WLS: variants seen among roughly 807,000 people sequenced by gnomAD.
WLS encodes protein wntless homolog.
Under a neutral mutation model 62.8 loss-of-function variants are expected in WLS, and 23 were observed. That is an observed-to-expected ratio of 0.37 (90% CI 0.26 to 0.52). The LOEUF (loss-of-function observed/expected upper bound fraction) is 0.52. Ranked by LOEUF, WLS falls within the 20% of genes least tolerant of loss-of-function variation. The pLI, the probability that WLS is intolerant of heterozygous loss-of-function variation, is 0.92. For synonymous variants in WLS, 246 were observed against 244.1 expected, an observed-to-expected ratio of 1.01 and a Z score of -0.07; for missense variants, 615 against 697.3, an observed-to-expected ratio of 0.88 and a Z score of 1.33.
intron 6 of WLS, 40 bp from the exon 7 acceptor site, chr1:68,148,700 G>A: frequency 6.3e-7 from 1 of 1,592,562 alleles, no homozygotes. Context: ...AGAGGGGAGA[G>A]GAAGACCAAG....
At chr1:68,098,699 A>C in exon 12 of WLS, 1 of 1,614,040 alleles carries the variant, frequency 6.2e-7, no homozygotes, top group South Asian at 1.1e-5. Flanking sequence ...TTCTTGATAA[A>C]GTTCCGAAAC....
chr1:68,203,295 T>C (rs1649125042), intron 1 of WLS, among the ~76,000 whole-genome samples: 1 of 152,234 alleles, frequency 6.6e-6, no homozygotes, highest in South Asian at 2.1e-4. Context: ...TCATATCTAA[T>C]GCTCCTTTCC....
At chr1:68,200,179 T>C (rs1454534838) in intron 1 of WLS, among the ~76,000 whole-genome samples, 2 of 152,092 alleles carry the variant, frequency 1.3e-5, no homozygotes, top group Non-Finnish European at 2.9e-5. Context: ...ACAATAGAAT[T>C]TATCTAACAA....
chr1:68,126,828 G>C (rs1049938964), intron 11 of WLS, among the ~76,000 whole-genome samples: 2 of 152,068 alleles, frequency 1.3e-5, no homozygotes, highest in Non-Finnish European at 2.9e-5. Context: ...AATGTGATGG[G>C]CTAAACCAGC....
At chr1:68,121,471 C>T (rs1360602793), downstream of WLS, among the ~76,000 whole-genome samples, 1 of 152,154 alleles carries the variant, frequency 6.6e-6, no homozygotes, top group Non-Finnish European at 1.5e-5. Context: ...GCTCTGAACA[C>T]TTCAAGACAT....
chr1:68,228,060 T>C (rs560461312), intron 1 of WLS, among the ~76,000 whole-genome samples: 3 of 152,248 alleles, frequency 2.0e-5, no homozygotes, highest in African/African-American at 7.2e-5. Context: ...CATGCACAAT[T>C]TGAGAAAATT....
At chr1:68,208,215 A>G (rs1279352248) in intron 1 of WLS, among the ~76,000 whole-genome samples, 1 of 152,220 alleles carries the variant, frequency 6.6e-6, no homozygotes, top group Admixed American at 6.5e-5. Flanking sequence ...ATCTTTTTTC[A>G]CAATTATCTT....
At chr1:68,106,793 A>G (rs1430408951) in intron 11 of WLS, among the ~76,000 whole-genome samples, 2 of 151,854 alleles carry the variant, frequency 1.3e-5, no homozygotes, top group Non-Finnish European at 2.9e-5. Context: ...GGCTACTGGT[A>G]TGCAGTGTCC....
chr1:68,193,921 G>A (rs1413235948), intron 2 of WLS, 34 bp downstream of exon 2: 2 of 1,593,756 alleles, frequency 1.3e-6, no homozygotes, highest in Non-Finnish European at 1.7e-6. Context: ...AATGCTCAAA[G>A]GGAAGAAAGG....
At chr1:68,111,628 A>G (rs879761194) in intron 11 of WLS, among the ~76,000 whole-genome samples, 2 of 152,218 alleles carry the variant, frequency 1.3e-5, no homozygotes, top group Admixed American at 1.3e-4. Flanking sequence ...CATCCTCTCT[A>G]TAACAGTCCT....
chr1:68,219,469 G>A (rs1226303553), intron 1 of WLS, among the ~76,000 whole-genome samples: 2 of 152,092 alleles, frequency 1.3e-5, no homozygotes, highest in African/African-American at 2.4e-5. Context: ...TTATGTTCAA[G>A]TGAATAATAA....
chr1:68,206,864 TA>T (rs1210813926), intron 1 of WLS, among the ~76,000 whole-genome samples: 11 of 152,202 alleles, frequency 7.2e-5, no homozygotes, highest in Admixed American at 2.0e-4. Flanking sequence ...CTTTTAAGTT[TA>T]AAGAAAAAGT....
intron 1 of WLS, among the ~76,000 whole-genome samples, chr1:68,203,961 T>C (rs1469538185): frequency 1.3e-5 from 2 of 152,220 alleles, no homozygotes; most frequent in Non-Finnish European, 2.9e-5. Flanking sequence ...ATGCATATGG[T>C]ATGTCAGGGA....
At chr1:68,142,213 C>A (rs1448626565) in intron 10 of WLS, among the ~76,000 whole-genome samples, 1 of 152,308 alleles carries the variant, frequency 6.6e-6, no homozygotes, top group Non-Finnish European at 1.5e-5. Flanking sequence ...CCCGCAGAGG[C>A]AAGATATACA....
At chr1:68,110,006 G>GAAAAAAAAAAAAAAAAAA (rs1557445730) in intron 11 of WLS, among the ~76,000 whole-genome samples, 1 of 3,406 alleles carries the variant, frequency 2.9e-4, no homozygotes, top group Non-Finnish European at 5.9e-4. Flanking sequence ...AACACAAAAA[G>GAAAAAAAAAAAAAAAAAA]TAAAAAAAAA....
chr1:68,195,882 T>C (rs1210924750), intron 1 of WLS, among the ~76,000 whole-genome samples: 2 of 152,050 alleles, frequency 1.3e-5, no homozygotes, highest in Non-Finnish European at 2.9e-5. Flanking sequence ...GTTCTAGTTT[T>C]ATTTCTTAAA....
chr1:68,183,489 C>G (rs1466273488), intron 2 of WLS: 2 of 528,470 alleles, frequency 3.8e-6, no homozygotes, highest in Non-Finnish European at 7.8e-6. Context: ...TGGAGCTTTC[C>G]TCAGAAGCAT....
At chr1:68,229,868 T>C (rs1197250233) in intron 1 of WLS, among the ~76,000 whole-genome samples, 2 of 152,144 alleles carry the variant, frequency 1.3e-5, no homozygotes, top group Admixed American at 6.5e-5. Context: ...GTGTTATACA[T>C]AGATATTTTT....
chr1:68,201,723 A>G (rs1002642162), intron 1 of WLS, among the ~76,000 whole-genome samples: 2 of 152,220 alleles, frequency 1.3e-5, no homozygotes, highest in African/African-American at 4.8e-5. Context: ...TTAATACAGC[A>G]GAACATTCCT....
Sources: allele counts gnomAD v4.1 joint callset (sites outside exome capture counted in the v4.1 genomes callset), GRCh38; gene constraint gnomAD v4.1.1; transcripts MANE v1.5; gene names NCBI Gene and HGNC (gene_info 2026-07-23, HGNC 2026-07-21).